PRKN: variants seen among roughly 807,000 people sequenced by gnomAD.
PRKN encodes the protein E3 ubiquitin-protein ligase parkin.
In PRKN, 56 loss-of-function variants were observed where a neutral mutation model predicts 59.5. The observed-to-expected ratio is 0.94, with a 90% CI of 0.76 to 1.18. The LOEUF is 1.18. PRKN is among the 50% of genes most tolerant of loss of function. The probability of loss-of-function intolerance (pLI) is 0.00; values close to 1 mark genes in which losing one functional copy is unlikely to be tolerated. For synonymous variants in PRKN, 250 were observed against 222.1 expected (o/e 1.13, Z -1.12); for missense variants, 657 against 596.4 (o/e 1.10, Z -1.06).
At chr6:161,477,699 T>C (rs1452453207) in intron 9 of PRKN, among the ~76,000 whole-genome samples, 1 of 152,202 alleles carries the variant, frequency 6.6e-6, no homozygotes, top group African/African-American at 2.4e-5. Flanking sequence ...TTTAGTTTTC[T>C]GTATCACAAA....
chr6:162,563,869 CA>C (rs1779952472), intron 1 of PRKN, among the ~76,000 whole-genome samples: 1 of 151,794 alleles, frequency 6.6e-6, no homozygotes, highest in African/African-American at 2.4e-5. Flanking sequence ...CTGAAAAACA[CA>C]ATTGGCATAC....
At chr6:162,144,143 T>C (rs1340489968) in intron 4 of PRKN, among the ~76,000 whole-genome samples, 1 of 152,196 alleles carries the variant, frequency 6.6e-6, no homozygotes. Context: ...AGGTGCTCAC[T>C]ACCCCAGCTT....
rs1036809276 is a variant in PRKN at position 161,518,751 on chromosome 6, C to T, written c.1083+30103G>A. Among the ~76,000 whole-genome samples, 3 of 152,184 alleles carry T rather than the reference C, an allele frequency of 2.0e-5. No homozygotes were observed. The highest frequency in any genetic ancestry group is 7.2e-5 in the African/African-American group (3 of 41,434). Reference sequence around the variant, plus strand: ...AGAGGGCCGGCGGTGTGCCTTGATACTTGGCTATGCATCCCATCCACCTCT... The same window carrying T: ...AGAGGGCCGGCGGTGTGCCTTGATATTTGGCTATGCATCCCATCCACCTCT... On this transcript the variant is annotated intron_variant, in intron 9 of 11. Transcript: ENST00000366898. The surrounding 1 kb of genome is among the most constrained non-coding windows in gnomAD (Gnocchi z 5.0).
intron 6 of PRKN, among the ~76,000 whole-genome samples, chr6:161,946,349 GA>G (rs1257502254): frequency 7.4e-6 from 1 of 135,932 alleles, no homozygotes; most frequent in Admixed American, 7.6e-5. Flanking sequence ...AAATAAAGAT[GA>G]AAATAAATAC....
chr6:161,888,201 C>T (rs1354079930), intron 6 of PRKN, among the ~76,000 whole-genome samples: 1 of 152,138 alleles, frequency 6.6e-6, no homozygotes, highest in East Asian at 1.9e-4. Context: ...AGGCAGTAGA[C>T]AATGTGTCCT....
intron 7 of PRKN, among the ~76,000 whole-genome samples, chr6:161,670,903 C>T (rs754349078): frequency 6.6e-6 from 1 of 152,180 alleles, no homozygotes; most frequent in African/African-American, 2.4e-5. Context: ...ACCCTGATTA[C>T]ACCTGCACAG....
chr6:161,368,287 T>G (rs905061276), intron 10 of PRKN, among the ~76,000 whole-genome samples: 1 of 126,172 alleles, frequency 7.9e-6, no homozygotes, highest in Non-Finnish European at 1.5e-5. Context: ...ATGTATATAT[T>G]TATATATATT....
chr6:161,350,595 T>G (rs1411430792), intron 11 of PRKN, among the ~76,000 whole-genome samples: 2 of 131,950 alleles, frequency 1.5e-5, no homozygotes, highest in Admixed American at 8.7e-5. Flanking sequence ...AAATATATTT[T>G]TATATATTTA....
At chr6:162,237,712 T>A (rs191255104) in intron 3 of PRKN, among the ~76,000 whole-genome samples, 30 of 151,970 alleles carry the variant, frequency 2.0e-4, no homozygotes, top group Non-Finnish European at 3.1e-4. Context: ...AAAAAGGCAG[T>A]GGGTTTAGGG....
chr6:162,276,767 A>G (rs1459835682), intron 2 of PRKN, among the ~76,000 whole-genome samples: 7 of 151,928 alleles, frequency 4.6e-5, no homozygotes, highest in African/African-American at 1.7e-4. Flanking sequence ...AGCATGTTAT[A>G]TACTTTTTTC....
intron 5 of PRKN, among the ~76,000 whole-genome samples, chr6:161,988,826 T>A (rs1781536878): frequency 1.3e-5 from 2 of 152,306 alleles, no homozygotes; most frequent in South Asian, 4.1e-4. Context: ...ACAGAGCATT[T>A]TCATTGACTG....
At chr6:161,837,572 CT>C in intron 6 of PRKN, among the ~76,000 whole-genome samples, 1 of 145,214 alleles carries the variant, frequency 6.9e-6, no homozygotes, top group South Asian at 2.2e-4. Context: ...GTTTTTTTTC[CT>C]TTAAAAAAAA....
intron 2 of PRKN, among the ~76,000 whole-genome samples, chr6:162,404,318 C>T (rs573553951): frequency 1.4e-3 from 211 of 148,128 alleles, no homozygotes; most frequent in Non-Finnish European, 2.6e-3. Context: ...TGCAGTGAGC[C>T]GAGATCGCAC....
chr6:162,008,466 T>C (rs554965924), intron 5 of PRKN, among the ~76,000 whole-genome samples: 1 of 152,252 alleles, frequency 6.6e-6, no homozygotes, highest in Admixed American at 6.5e-5. Context: ...AAGCCAAGGC[T>C]GAGAAGAGAA....
chr6:161,963,338 G>A (rs1311442615), intron 6 of PRKN, among the ~76,000 whole-genome samples: 1 of 152,200 alleles, frequency 6.6e-6, no homozygotes, highest in Non-Finnish European at 1.5e-5. Context: ...TAAATGAAAA[G>A]GTAAGGCATA....
intron 6 of PRKN, among the ~76,000 whole-genome samples, chr6:161,851,014 A>G (rs1424874513): frequency 1.3e-5 from 2 of 152,222 alleles, no homozygotes; most frequent in Non-Finnish European, 2.9e-5. Flanking sequence ...CAGTACTTAC[A>G]AATAACGATA....
chr6:161,819,072 G>A (rs748734893), intron 6 of PRKN, among the ~76,000 whole-genome samples: 6 of 152,116 alleles, frequency 3.9e-5, no homozygotes, highest in Admixed American at 1.3e-4. Context: ...ATTATACTCC[G>A]AACTTAGGTG....
At chr6:162,659,769 T>C (rs542102762) in intron 1 of PRKN, among the ~76,000 whole-genome samples, 1 of 152,262 alleles carries the variant, frequency 6.6e-6, no homozygotes, top group East Asian at 1.9e-4. Flanking sequence ...AAAATTACAT[T>C]ATTATATTTT....
chr6:161,977,533 G>GTTTTGT (rs1781078170), intron 5 of PRKN, among the ~76,000 whole-genome samples: 1 of 80,676 alleles, frequency 1.2e-5, no homozygotes, highest in African/African-American at 4.9e-5. Context: ...TCTACTTTCT[G>GTTTTGT]TTTTTTTGGT....
Sources: allele counts gnomAD v4.1 joint callset (sites outside exome capture counted in the v4.1 genomes callset), GRCh38; gene constraint gnomAD v4.1.1; non-coding constraint Gnocchi (gnomAD v3.1); transcripts MANE v1.5; gene names NCBI Gene and HGNC (gene_info 2026-07-23, HGNC 2026-07-21).